The following UNC13C variants were observed in gnomAD, a reference collection of about 807,000 sequenced individuals.
The protein encoded by UNC13C is unc-13 homolog C.
Under a neutral mutation model 245.4 loss-of-function variants are expected in UNC13C, and 174 were observed. The ratio of observed to expected loss-of-function variants is 0.71; its 90% CI spans 0.63 to 0.80. The LOEUF is 0.80. Ranked by LOEUF, UNC13C falls within the 30% of genes least tolerant of loss-of-function variation. The pLI is 0.00. For synonymous variants in UNC13C, 992 were observed against 895.1 expected, an observed-to-expected ratio of 1.11 and a Z score of -1.93; for missense variants, 2,829 against 2,602.9, an observed-to-expected ratio of 1.09 and a Z score of -1.89.
chr15:54,318,785 C>T (rs559776431), intron 13 of UNC13C, among the ~76,000 whole-genome samples: 5 of 151,752 alleles, frequency 3.3e-5, no homozygotes, highest in Non-Finnish European at 5.9e-5. Context: ...TCTGGTTTTG[C>T]TTCTTTTGCC....
rs1473661188 is a variant in UNC13C at position 54,013,716 on chromosome 15, G to T, written c.813G>T (p.Lys271Asn). 1 of 1,613,102 alleles carries T rather than the reference G, an allele frequency of 6.2e-7. No homozygotes were observed. Among genetic ancestry groups the T allele is most frequent in the Admixed American group, 1.7e-5 (1 of 59,906 alleles). ...SELRGHVNAL[K>N]HSIDEISSSV... Reference sequence around the variant, plus strand: ...TACGAGGGCACGTCAATGCTCTCAAGCACTCCATCGATGAGATCTCCAGCA... The same window carrying T: ...TACGAGGGCACGTCAATGCTCTCAATCACTCCATCGATGAGATCTCCAGCA... The change falls in exon 2 of 33, where the codon AAG (lysine) becomes AAT (asparagine). Residue 271 changes from lysine to asparagine, a missense_variant. Physicochemically the swap from Lys to Asn is moderately conservative, Grantham distance 94. Transcript: ENST00000260323.
chr15:54,548,414 G>A (rs1054013760), intron 27 of UNC13C, among the ~76,000 whole-genome samples: 4 of 151,574 alleles, frequency 2.6e-5, no homozygotes, highest in African/African-American at 4.8e-5. Flanking sequence ...AGTAGAGACG[G>A]GGTTTCACCG....
At chr15:54,450,127 G>A (rs1891086508) in intron 19 of UNC13C, among the ~76,000 whole-genome samples, 1 of 152,150 alleles carries the variant, frequency 6.6e-6, no homozygotes, top group African/African-American at 2.4e-5. Flanking sequence ...TCGTTCCTCT[G>A]GAAGTTTCGT....
chr15:54,009,695 T>C (rs1354735538), intron 1 of UNC13C, among the ~76,000 whole-genome samples: 1 of 152,110 alleles, frequency 6.6e-6, no homozygotes, highest in Non-Finnish European at 1.5e-5. Context: ...TACAGGCATG[T>C]ACCACCACAC....
intron 1 of UNC13C, among the ~76,000 whole-genome samples, chr15:54,000,361 C>A (rs1449134486): frequency 6.6e-6 from 1 of 152,068 alleles, no homozygotes; most frequent in African/African-American, 2.4e-5. Context: ...CCCTCCATGG[C>A]TAAGCATTGT....
At chr15:54,555,601 T>G in intron 29 of UNC13C, 89 bp downstream of exon 29, 2 of 934,472 alleles carry the variant, frequency 2.1e-6, no homozygotes, top group Non-Finnish European at 3.3e-6. Context: ...CATGTATCAG[T>G]AGAGCTGCGC....
intron 1 of UNC13C, among the ~76,000 whole-genome samples, chr15:53,997,618 C>A (rs184626497): frequency 2.0e-5 from 3 of 152,076 alleles, no homozygotes; most frequent in Non-Finnish European, 4.4e-5. Flanking sequence ...TTGAAAATAT[C>A]CTAATTGAAT....
chr15:53,903,898 T>C, the UNC13C span, among the ~76,000 whole-genome samples: 1 of 152,168 alleles, frequency 6.6e-6, no homozygotes, highest in Non-Finnish European at 1.5e-5. Context: ...GAAATTTCCA[T>C]CTGAGATAGA....
chr15:54,339,312 G>C (rs562298556), intron 17 of UNC13C, among the ~76,000 whole-genome samples: 1 of 152,208 alleles, frequency 6.6e-6, no homozygotes, highest in East Asian at 1.9e-4. Flanking sequence ...AGTGGCATTT[G>C]GTTACATGAG....
intron 2 of UNC13C, among the ~76,000 whole-genome samples, chr15:54,069,082 C>T (rs552662580): frequency 6.6e-6 from 1 of 152,226 alleles, no homozygotes; most frequent in Admixed American, 6.5e-5. Context: ...TTTAAGCTAT[C>T]CTGAATATCT....
At chr15:54,105,289 G>C (rs1050294363) in intron 2 of UNC13C, among the ~76,000 whole-genome samples, 4 of 152,076 alleles carry the variant, frequency 2.6e-5, no homozygotes, top group Non-Finnish European at 4.4e-5. Context: ...GGACATGGGG[G>C]GGTCTCAGCA....
chr15:54,380,155 C>T (rs946185905), intron 17 of UNC13C, among the ~76,000 whole-genome samples: 2 of 151,934 alleles, frequency 1.3e-5, no homozygotes, highest in Admixed American at 1.3e-4. Flanking sequence ...CTACCCTAAC[C>T]ACCCCTGCCC....
At chr15:54,403,074 T>C (rs2040219593) in intron 18 of UNC13C, among the ~76,000 whole-genome samples, 2 of 152,170 alleles carry the variant, frequency 1.3e-5, no homozygotes, top group South Asian at 4.1e-4. Flanking sequence ...AATATGAACA[T>C]GAGGACTTGC....
rs148802209 is a variant in UNC13C at position 54,175,072 on chromosome 15, C to T, written c.3071+31388C>T. On this transcript the variant is annotated intron_variant, in intron 4 of 32. Coordinates refer to ENST00000260323, the MANE Select transcript of UNC13C (RefSeq NM_001080534.3). Reference sequence around the variant, plus strand: ...GAATAACCTGCGCCTTTATCTTTCTCAACTCCTTAATTCCCCAGCCTTTGG... The same window carrying T: ...GAATAACCTGCGCCTTTATCTTTCTTAACTCCTTAATTCCCCAGCCTTTGG... Among the ~76,000 whole-genome samples, 375 of 152,228 alleles carry T rather than the reference C, an allele frequency of 2.5e-3. 3 individuals carry two copies. The highest frequency in any genetic ancestry group is 8.7e-3 in the African/African-American group (363 of 41,544).
At chr15:53,975,392 G>A (rs774176954), upstream of UNC13C, among the ~76,000 whole-genome samples, 3 of 152,088 alleles carry the variant, frequency 2.0e-5, no homozygotes, top group Non-Finnish European at 4.4e-5. Flanking sequence ...AATCCATTTT[G>A]CCAATCCATT....
Position 54,623,954 on chromosome 15 carries a change from T to TGTAA in UNC13C, c.6359+3_6359+6dup, listed in dbSNP as rs1471392498. The TGTAA allele has an allele frequency of 1.2e-6, 2 of 1,612,848 alleles. No homozygotes were observed. Among genetic ancestry groups the TGTAA allele is most frequent in the Non-Finnish European group, 1.7e-6 (2 of 1,179,234 alleles). On this transcript the variant is annotated stop_gained and frameshift_variant and splice_region_variant. Coordinates refer to ENST00000260323, the MANE Select transcript of UNC13C (RefSeq NM_001080534.3). LOFTEE classifies it high-confidence loss of function. ...CCAAAGTACAATGAAACATTTCAGT[T>TGTAA]GTAAGTCATAAACCCACCTTACTTA... is the stretch of plus-strand genomic sequence containing the variant.
the UNC13C span, among the ~76,000 whole-genome samples, chr15:53,906,455 T>C: frequency 0.012 from 1,782 of 152,354 alleles, 30 homozygotes; most frequent in African/African-American, 0.041. Flanking sequence ...TTTAACAATA[T>C]GTGCATAGGT....
intron 2 of UNC13C, among the ~76,000 whole-genome samples, chr15:54,040,539 G>C (rs1896767309): frequency 6.6e-6 from 1 of 152,128 alleles, no homozygotes; most frequent in South Asian, 2.1e-4. Flanking sequence ...TGTGGAACAT[G>C]TCTCTGTGTT....
intron 24 of UNC13C, among the ~76,000 whole-genome samples, chr15:54,522,106 A>AT (rs1895243751): frequency 6.6e-6 from 1 of 152,200 alleles, no homozygotes; most frequent in Non-Finnish European, 1.5e-5. Flanking sequence ...AGATAAGTGA[A>AT]TTATCTTTTA....
Sources: allele counts gnomAD v4.1 joint callset (sites outside exome capture counted in the v4.1 genomes callset), GRCh38; gene constraint gnomAD v4.1.1; transcripts MANE v1.5; gene names NCBI Gene and HGNC (gene_info 2026-07-23, HGNC 2026-07-21).